The following TBATA variants were observed in gnomAD, a reference collection of about 807,000 sequenced individuals.
The protein encoded by TBATA is thymus, brain and testes associated, also known as protein TBATA.
A neutral mutation model predicts 38.7 loss-of-function variants in TBATA; 47 were observed. That is an observed-to-expected ratio of 1.21 (90% CI 0.96 to 1.55). The LOEUF (loss-of-function observed/expected upper bound fraction) is 1.55, where lower values mean the gene tolerates loss of function less well. TBATA is among the 40% of genes most tolerant of loss of function. The probability of loss-of-function intolerance (pLI) is 0.00; values close to 1 mark genes in which losing one functional copy is unlikely to be tolerated. For missense variants in TBATA, 436 were observed against 435.6 expected (o/e 1.00, Z -0.01); for synonymous variants, 183 against 170.5 (o/e 1.07, Z -0.57).
intron 6 of TBATA, 67 bp from the exon 7 acceptor site, chr10:70,777,405 A>T: frequency 6.8e-7 from 1 of 1,477,568 alleles, no homozygotes; most frequent in Non-Finnish European, 9.2e-7. Flanking sequence ...TGAGGGGAGG[A>T]GAGGAGCAGG....
chr10:70,782,527 C>T, intron 3 of TBATA: 1 of 1,268,710 alleles, frequency 7.9e-7, no homozygotes, highest in South Asian at 1.3e-5. Flanking sequence ...GACTCAGCGT[C>T]CAGAGGCCAG....
At chr10:70,784,165 A>G (rs1048285437) in intron 2 of TBATA, among the ~76,000 whole-genome samples, 3 of 152,208 alleles carry the variant, frequency 2.0e-5, no homozygotes, top group Admixed American at 6.5e-5. Context: ...ACATGCGATA[A>G]AACAGCAACA....
At chr10:70,773,121 A>C (rs1345586658) in intron 9 of TBATA, among the ~76,000 whole-genome samples, 1 of 152,144 alleles carries the variant, frequency 6.6e-6, no homozygotes. Context: ...GGTTTGCCCA[A>C]GGTCACAGTG....
chr10:70,781,866 C>T lies in TBATA; in HGVS notation c.212G>A (p.Arg71His), dbSNP rs201452160. The T allele has an allele frequency of 1.3e-5, 21 of 1,614,022 alleles. No individual in the cohort carries two copies. Among genetic ancestry groups the T allele is most frequent in the African/African-American group, 4.0e-5 (3 of 74,940 alleles). Residue 71 changes from arginine to histidine, a missense_variant, in exon 4 of 11, where the codon CGC (arginine) becomes CAC (histidine). Arg to His is a conservative substitution (Grantham distance 29). Transcript: ENST00000456372. ...GGAGAAGAAGGAGTGGTGACTGAGG[C>T]GTCCAAAGCAGTAGGTGCCAGGGGT... is the stretch of plus-strand genomic sequence containing the variant. Reference protein sequence around the residue: ...PQTPGTYCFGRLSHHSFFSRH... With the variant: ...PQTPGTYCFGHLSHHSFFSRH...
Position 70,783,531 on chromosome 10 carries a change from G to A in TBATA, c.-146-6C>T. The A allele has an allele frequency of 2.5e-6, 2 of 793,578 alleles. No homozygotes were observed. The highest frequency in any genetic ancestry group is 3.1e-5 in the South Asian group (2 of 63,998). The allele number at this position is 793,578 out of a possible 1,614,324, so 49.2% of individuals were successfully genotyped here. A position where few individuals can be genotyped will look rare whatever the true frequency, so the allele number is the denominator to read the frequency against. On this transcript the variant is annotated splice_polypyrimidine_tract_variant and splice_region_variant and intron_variant, in intron 2 of 10. Coordinates refer to ENST00000456372, the MANE Select transcript of TBATA (RefSeq NM_001318241.2). ...AGTGTAAACGGGAACAGGCACTTTA[G>A]GGGGAGAAATGGTAATATCTTTTAA...
chr10:70,782,555 G>C, intron 3 of TBATA: 2 of 985,464 alleles, frequency 2.0e-6, no homozygotes, highest in Non-Finnish European at 2.4e-6. Context: ...GCTTAGGCCA[G>C]ACCAGACCAG....
chr10:70,776,279 C>A (rs142048450), intron 7 of TBATA: 52 of 454,560 alleles, frequency 1.1e-4, no homozygotes, highest in South Asian at 7.8e-4. Context: ...GCTGACCCAC[C>A]CTGACCTGCC....
At chr10:70,772,632 G>A in intron 9 of TBATA, 66 bp from the exon 10 acceptor site, 1 of 1,539,032 alleles carries the variant, frequency 6.5e-7, no homozygotes, top group Middle Eastern at 1.7e-4. Context: ...CGGGTGGCAG[G>A]GGAGACAGGG....
Position 70,772,573 on chromosome 10 carries a change from C to A in TBATA, c.921-7G>T, listed in dbSNP as rs376080763. ...CGTTTTCTTCGGGGATTGACTGTGA[C>A]CAAATACAAAGAAGGGGCTGGGAAG... On this transcript the variant is annotated splice_region_variant and splice_polypyrimidine_tract_variant and intron_variant, in intron 9 of 10. Transcript: ENST00000456372. 206 of 1,613,978 alleles carry A rather than the reference C, an allele frequency of 1.3e-4. No individual in the cohort carries two copies. Among genetic ancestry groups the A allele is most frequent in the Non-Finnish European group, 1.7e-4 (198 of 1,180,010 alleles).
In TBATA at chr10:70,777,344, A is replaced by T; in HGVS notation, c.508-6T>A. 5 of 1,611,032 alleles carry T rather than the reference A, an allele frequency of 3.1e-6. No individual in the cohort carries two copies. Among genetic ancestry groups the T allele is most frequent in the Non-Finnish European group, 4.2e-6 (5 of 1,178,460 alleles). ...TCCTCCTTCTGCTCCTTCTGCTGGG[A>T]CAAAAGTGGCCAGAGACTCCAGGCA... On this transcript the variant is annotated splice_polypyrimidine_tract_variant and splice_region_variant and intron_variant, in intron 6 of 10. Transcript: ENST00000456372.
chr10:70,778,435 T>G, intron 6 of TBATA, 122 bp downstream of exon 6: 2 of 952,606 alleles, frequency 2.1e-6, no homozygotes, highest in Non-Finnish European at 1.7e-6. Flanking sequence ...CCCCTGACGT[T>G]TGTATGAATC....
chr10:70,777,365 A>G, intron 6 of TBATA, 27 bp from the exon 7 acceptor site: 1 of 1,603,850 alleles, frequency 6.2e-7, no homozygotes, highest in Non-Finnish European at 8.5e-7. Context: ...CAGAGACTCC[A>G]GGCAGTCAGC....
chr10:70,775,249 TCC>T lies in TBATA; in HGVS notation c.713_714del (p.Arg238HisfsTer58), dbSNP rs1417595104. 1 of 1,614,106 alleles carries T rather than the reference TCC, an allele frequency of 6.2e-7. No homozygotes were observed. Among genetic ancestry groups the T allele is most frequent in the Non-Finnish European group, 8.5e-7 (1 of 1,179,984 alleles). On this transcript the variant is annotated frameshift_variant, in exon 8 of 11. Coordinates refer to ENST00000456372, the MANE Select transcript of TBATA (RefSeq NM_001318241.2). LOFTEE classifies it high-confidence loss of function. Reference protein sequence around the residue: ...QELLVLELLCRILETDLLSAI... With the variant: ...QELLVLELLCXILETDLLSAI... ...GCGCTTAGCAAGTCTGTTTCCAGGA[TCC>T]GACACAGGAGCTCCAGGACCTGTGG...
chr10:70,771,609 T>A (rs761080806), intron 10 of TBATA, 148 bp from the exon 11 acceptor site: 85 of 706,234 alleles, frequency 1.2e-4, no homozygotes, highest in Non-Finnish European at 1.8e-4. Context: ...GAGGAGGGAA[T>A]CCAACCTGAG....
At chr10:70,775,364 C>T in intron 7 of TBATA, 94 bp from the exon 8 acceptor site, 2 of 1,105,034 alleles carry the variant, frequency 1.8e-6, no homozygotes, top group Non-Finnish European at 2.7e-6. Context: ...ACCCTTCCCC[C>T]AAAGTGGGCT....
chr10:70,780,001 T>G (rs1435569146), intron 4 of TBATA, among the ~76,000 whole-genome samples: 3 of 152,166 alleles, frequency 2.0e-5, no homozygotes, highest in Admixed American at 1.3e-4. Flanking sequence ...AGACAAGAAC[T>G]TAGGCTTCCT....
chr10:70,779,009 C>A (rs1352200745), intron 5 of TBATA, among the ~76,000 whole-genome samples: 1 of 152,224 alleles, frequency 6.6e-6, no homozygotes, highest in Non-Finnish European at 1.5e-5. Context: ...TGAGGAGATA[C>A]AGATGGGCCT....
chr10:70,774,036 T>TC (rs1326092025), intron 9 of TBATA, 177 bp downstream of exon 9: 1 of 418,082 alleles, frequency 2.4e-6, no homozygotes, highest in Non-Finnish European at 3.2e-6. Context: ...TGTGTTGGCC[T>TC]TGAAGTGGCT....
In TBATA at chr10:70,771,390, T is replaced by C; in HGVS notation, c.1045A>G (p.Arg349Gly). ...GTTAGGGCCCCTCAGCTCTCTGCCC[T>C]CGGCTTCGATGTCTTCTTCTCTGTG... ...QNTEKKTSKP[R>G]AES Residue 349 changes from arginine (R) to glycine (G), a missense_variant, in exon 11 of 11, where the codon AGG becomes GGG. Arg to Gly is a moderately radical substitution (Grantham distance 125). Coordinates refer to ENST00000456372, the MANE Select transcript of TBATA (RefSeq NM_001318241.2). 1.2e-6 allele frequency: 2 copies of C among 1,614,168 alleles called. No homozygotes were observed. The highest frequency in any genetic ancestry group is 1.7e-6 in the Non-Finnish European group (2 of 1,180,016).
Sources: allele counts gnomAD v4.1 joint callset (sites outside exome capture counted in the v4.1 genomes callset), GRCh38; gene constraint gnomAD v4.1.1; transcripts MANE v1.5; gene names NCBI Gene and HGNC (gene_info 2026-07-23, HGNC 2026-07-21).